Variants in PROSER2 observed in about 807,000 individuals in gnomAD.
PROSER2 encodes the protein proline and serine-rich protein 2.
In PROSER2, 18 loss-of-function variants were observed where a neutral mutation model predicts 14.6. The observed-to-expected ratio is 1.23, with a 90% CI of 0.85 to 1.83. PROSER2 has a LOEUF of 1.83. Ranked by LOEUF, PROSER2 falls within the 40% of genes most tolerant of loss-of-function variation. The probability of loss-of-function intolerance (pLI) is 0.00; values close to 1 mark genes in which losing one functional copy is unlikely to be tolerated. For missense variants in PROSER2, 823 were observed against 629.8 expected (o/e 1.31, Z -3.28); for synonymous variants, 367 against 286.4 (o/e 1.28, Z -2.84).
At chr10:11,845,087 G>T (rs1193564493) in intron 1 of PROSER2, among the ~76,000 whole-genome samples, 1 of 151,972 alleles carries the variant, frequency 6.6e-6, no homozygotes, top group East Asian at 1.9e-4. Context: ...CACGACTTTT[G>T]CCATTGAAAA....
In PROSER2 at chr10:11,852,581, G is replaced by A. The variant is rs776027322; in HGVS notation, c.138+366G>A. Among the ~76,000 whole-genome samples the A allele has an allele frequency of 6.2e-4, 94 of 151,716 alleles. 1 individual carries two copies. Among genetic ancestry groups the A allele is most frequent in the Non-Finnish European group, 2.1e-4 (14 of 67,936 alleles). ...GAGTCTCACTCTGTCCTCCAGTGGC[G>A]CGATCTTGGCTCACTGCAACCTCCG... On this transcript the variant is annotated intron_variant, in intron 2 of 3. Coordinates refer to ENST00000277570, the MANE Select transcript of PROSER2 (RefSeq NM_153256.4).
Position 11,823,703 on chromosome 10 carries a change from G to A in PROSER2, c.-82+233G>A, listed in dbSNP as rs1833572357. Among the ~76,000 whole-genome samples, 1 of 151,962 alleles carries A rather than the reference G, an allele frequency of 6.6e-6. No individual in the cohort carries two copies. The highest frequency in any genetic ancestry group is 2.4e-5 in the African/African-American group (1 of 41,370). On this transcript the variant is annotated intron_variant, in intron 1 of 3. Transcript: ENST00000277570. The surrounding 1 kb of genome is among the most constrained non-coding windows in gnomAD (Gnocchi z 6.2). The stretch of plus-strand genomic sequence containing the variant: ...GCGTCGCTGCCTCCTCGGGGACCTC[G>A]GAGTCGGGGCGCGGCGGGGAGCGCG...
Position 11,866,935 on chromosome 10 carries a change from C to A in PROSER2, c.391+152C>A. On this transcript the variant is annotated intron_variant, in intron 3 of 3. Coordinates refer to ENST00000277570, the MANE Select transcript of PROSER2 (RefSeq NM_153256.4). This position sits in a 1 kb window ranked among gnomAD's most constrained non-coding sequence, Gnocchi z 6.0. Reference sequence around the variant, plus strand: ...GGAAAATACTCCTTGGCAGTTTCATCATCCAGCAAAGGGAAATGCCAGAGG... The same window carrying A: ...GGAAAATACTCCTTGGCAGTTTCATAATCCAGCAAAGGGAAATGCCAGAGG... 1 of 986,042 alleles carries A rather than the reference C, an allele frequency of 1.0e-6. No individual in the cohort carries two copies. The highest frequency in any genetic ancestry group is 1.4e-6 in the Non-Finnish European group (1 of 689,946). 61.1% of individuals were successfully genotyped at this position (986,042 alleles called of 1,614,324 possible).
At chr10:11,824,135 AT>A (rs893882372) in intron 1 of PROSER2, among the ~76,000 whole-genome samples, 28 of 150,338 alleles carry the variant, frequency 1.9e-4, no homozygotes, top group Non-Finnish European at 3.1e-4. Context: ...TGTTTGGTGT[AT>A]TTTTTTTTTC....
rs1206216142 is a variant in PROSER2 at position 11,862,946 on chromosome 10, G to A, written c.139-3585G>A. On this transcript the variant is annotated intron_variant, in intron 2 of 3. Coordinates refer to ENST00000277570, the MANE Select transcript of PROSER2 (RefSeq NM_153256.4). The surrounding 1 kb of genome is among the most constrained non-coding windows in gnomAD (Gnocchi z 4.2). ...GCAACCAGCCCTGCCGAAAGCAAGT[G>A]TCAGTCAGTACAACCACTTCGGAAA... 6.6e-6 allele frequency: 1 copy of A among 152,178 alleles called. No homozygotes were observed. Among genetic ancestry groups the A allele is most frequent in the Non-Finnish European group, 1.5e-5 (1 of 68,048 alleles). 9.4% of individuals were successfully genotyped at this position (152,178 alleles called of 1,614,324 possible).
Position 11,869,427 on chromosome 10 carries a change from G to A in PROSER2, c.392-63G>A. The A allele has an allele frequency of 1.6e-6, 2 of 1,271,594 alleles. No homozygotes were observed. Among genetic ancestry groups the A allele is most frequent in the Non-Finnish European group, 2.3e-6 (2 of 872,968 alleles). The allele number at this position is 1,271,594 out of a possible 1,614,324, so 78.8% of individuals were successfully genotyped here. On this transcript the variant is annotated intron_variant, in intron 3 of 3. Transcript: ENST00000277570. The surrounding 1 kb of genome is among the most constrained non-coding windows in gnomAD (Gnocchi z 4.4). Reference sequence around the variant, plus strand: ...GAGGCTCTTTTCAGTTCAGCGAGAGGGAACTTCATGCATTTACTTTCACGT... The same window carrying A: ...GAGGCTCTTTTCAGTTCAGCGAGAGAGAACTTCATGCATTTACTTTCACGT...
rs1035587554 is a variant in PROSER2 at position 11,838,150 on chromosome 10, G to A, written c.-81-13847G>A. 2.0e-5 allele frequency among the ~76,000 whole-genome samples: 3 copies of A among 152,022 alleles called. No homozygotes were observed. Among genetic ancestry groups the A allele is most frequent in the Non-Finnish European group, 2.9e-5 (2 of 68,018 alleles). ...TCAGGTGCCCTCCGGTGAGTGAGGCGGGCGGGTGTCTATTTTAGAACAATC... is the reference window on the plus strand; with the variant it reads ...TCAGGTGCCCTCCGGTGAGTGAGGCAGGCGGGTGTCTATTTTAGAACAATC... On this transcript the variant is annotated intron_variant, in intron 1 of 3. Transcript: ENST00000277570. This position sits in a 1 kb window ranked among gnomAD's most constrained non-coding sequence, Gnocchi z 4.4.
Position 11,869,900 on chromosome 10 carries a change from C to T in PROSER2, c.802C>T (p.Arg268Cys), listed in dbSNP as rs1309277789. The stretch of plus-strand genomic sequence containing the variant: ...CACCAACGGCGCGGCCCGGGAGCCC[C>T]GCAGGACCCTGTCCAGGGCGGCCGT... ...IVTNGAAREP[R>C]RTLSRAAVSV... The change falls in exon 4 of 4, where the codon CGC (arginine) becomes TGC (cysteine). Residue 268 changes from arginine to cysteine, a missense_variant. Physicochemically the swap from Arg to Cys is radical, Grantham distance 180. Transcript: ENST00000277570. The surrounding 1 kb of genome is among the most constrained non-coding windows in gnomAD (Gnocchi z 4.4). 8 of 1,587,232 alleles carry T rather than the reference C, an allele frequency of 5.0e-6. No homozygotes were observed. Among genetic ancestry groups the T allele is most frequent in the Admixed American group, 1.8e-5 (1 of 56,870 alleles).
At chr10:11,826,897 T>TTC (rs58963502) in intron 1 of PROSER2, among the ~76,000 whole-genome samples, 41,957 of 134,344 alleles carry the variant, frequency 0.31, 7,712 homozygotes, top group East Asian at 0.47. Flanking sequence ...TTTTTTTTTT[T>TTC]CCTCTGACAT....
chr10:11,834,426 A>G (rs1168366045), intron 1 of PROSER2, among the ~76,000 whole-genome samples: 3 of 151,074 alleles, frequency 2.0e-5, no homozygotes, highest in Non-Finnish European at 4.4e-5. Context: ...GGCAGTACAG[A>G]TGAGGAAAAT....
intron 1 of PROSER2, among the ~76,000 whole-genome samples, chr10:11,825,529 G>A (rs1240185217): frequency 6.6e-6 from 1 of 152,170 alleles, no homozygotes; most frequent in Non-Finnish European, 1.5e-5. Flanking sequence ...GCCACCATAG[G>A]AAAGCCTGTG....
chr10:11,860,987 T>C (rs1289777959), intron 2 of PROSER2, among the ~76,000 whole-genome samples: 2 of 152,062 alleles, frequency 1.3e-5, no homozygotes, highest in Non-Finnish European at 2.9e-5. Context: ...GCACCTGTAG[T>C]CCCAGCTACC....
intron 1 of PROSER2, among the ~76,000 whole-genome samples, chr10:11,827,548 T>A (rs769245211): frequency 2.0e-5 from 3 of 152,212 alleles, no homozygotes; most frequent in African/African-American, 4.8e-5. Flanking sequence ...ATTTTTAATC[T>A]TCTGCCTGTT....
At chr10:11,824,468 G>T (rs1046337559) in intron 1 of PROSER2, among the ~76,000 whole-genome samples, 8 of 152,140 alleles carry the variant, frequency 5.3e-5, no homozygotes, top group Non-Finnish European at 4.4e-5. Flanking sequence ...ACATAAAAGT[G>T]CCCCAGCATG....
intron 2 of PROSER2, among the ~76,000 whole-genome samples, chr10:11,858,730 G>A (rs1176273253): frequency 6.6e-6 from 1 of 152,126 alleles, no homozygotes; most frequent in Non-Finnish European, 1.5e-5. Context: ...TGAGGGATGG[G>A]CCCGGCACAG....
chr10:11,863,582 T>G (rs780311628), intron 2 of PROSER2, among the ~76,000 whole-genome samples: 1 of 151,004 alleles, frequency 6.6e-6, no homozygotes, highest in Non-Finnish European at 1.5e-5. Flanking sequence ...GAGTCCACAC[T>G]CATAGCATTA....
rs149534099 is a variant in PROSER2 at position 11,869,577 on chromosome 10, C to A, written c.479C>A (p.Ala160Glu). The A allele has an allele frequency of 4.0e-5, 64 of 1,609,524 alleles. No individual in the cohort carries two copies. In the African/African-American group the frequency reaches 6.0e-4, roughly 15 times the overall value. Residue 160 changes from alanine to glutamate, a missense_variant, in exon 4 of 4, where the codon GCG (alanine) becomes GAG (glutamate). Physicochemically the swap from Ala to Glu is moderately radical, Grantham distance 107. Coordinates refer to ENST00000277570, the MANE Select transcript of PROSER2 (RefSeq NM_153256.4). The surrounding 1 kb of genome is among the most constrained non-coding windows in gnomAD (Gnocchi z 4.4). ...CCCCCGGCTCCCGAGACCCTTCTTG[C>A]GCCACCACCCCTGCCTAGCACCCCC... ...PDPPAPETLLAPPPLPSTPDP... is the reference protein window; with the variant it reads ...PDPPAPETLLEPPPLPSTPDP...
chr10:11,833,564 G>A (rs1307119046), intron 1 of PROSER2, among the ~76,000 whole-genome samples: 1 of 151,884 alleles, frequency 6.6e-6, no homozygotes, highest in East Asian at 1.9e-4. Context: ...GGTGGCTGGT[G>A]CCTGTAGTCC....
In PROSER2 at chr10:11,866,526, T is replaced by C; in HGVS notation, c.139-5T>C. On this transcript the variant is annotated splice_region_variant and splice_polypyrimidine_tract_variant and intron_variant, in intron 2 of 3. Coordinates refer to ENST00000277570, the MANE Select transcript of PROSER2 (RefSeq NM_153256.4). This position sits in a 1 kb window ranked among gnomAD's most constrained non-coding sequence, Gnocchi z 6.0. The stretch of plus-strand genomic sequence containing the variant: ...TCTCTTCTGTTCCCAATCCCTGTAC[T>C]CTAGGATGATGAGAGCCTGAAGTAC... 1.9e-6 allele frequency: 3 copies of C among 1,614,038 alleles called. No individual in the cohort carries two copies. The highest frequency in any genetic ancestry group is 2.5e-6 in the Non-Finnish European group (3 of 1,179,948).
Sources: gnomAD v4.1 joint callset for allele counts (sites outside exome capture counted in the v4.1 genomes callset) on GRCh38, gnomAD v4.1.1 for gene constraint, Gnocchi (gnomAD v3.1) non-coding constraint, MANE v1.5 for transcripts, NCBI Gene and HGNC (gene_info 2026-07-23, HGNC 2026-07-21) for gene names.